The following LRP1B variants were observed in gnomAD, a reference collection of about 807,000 sequenced individuals.
LRP1B encodes the protein LDL receptor related protein 1B, also known as low-density lipoprotein receptor-related protein 1B.
A neutral mutation model predicts 556.6 loss-of-function variants in LRP1B; 217 were observed. The ratio of observed to expected loss-of-function variants is 0.39; its 90% CI spans 0.35 to 0.44. The LOEUF (loss-of-function observed/expected upper bound fraction) is 0.44. LRP1B is among the 20% of genes least tolerant of loss of function. LRP1B has a pLI of 1.00. For synonymous variants in LRP1B, 2,047 were observed against 1,865.8 expected (o/e 1.10, Z -2.50); for missense variants, 5,053 against 5,620.8 (o/e 0.90, Z 3.23).
chr2:140,272,321 G>A (rs1377468681), intron 85 of LRP1B, among the ~76,000 whole-genome samples: 1 of 150,108 alleles, frequency 6.7e-6, no homozygotes, highest in Admixed American at 6.7e-5. Flanking sequence ...CTTTCCAAAA[G>A]TTAATTACTA....
intron 58 of LRP1B, among the ~76,000 whole-genome samples, chr2:140,486,373 C>T (rs1688472867): frequency 6.6e-6 from 1 of 151,952 alleles, no homozygotes; most frequent in Non-Finnish European, 1.5e-5. Context: ...ATCTCCTATA[C>T]TTAAATGCAA....
intron 1 of LRP1B, among the ~76,000 whole-genome samples, chr2:142,066,179 G>C (rs907700250): frequency 6.6e-6 from 1 of 151,466 alleles, no homozygotes; most frequent in South Asian, 2.1e-4. Context: ...GATGCACTGT[G>C]GTTTTTCTCT....
intron 2 of LRP1B, among the ~76,000 whole-genome samples, chr2:141,589,226 GT>G (rs1361881114): frequency 9.9e-5 from 15 of 151,102 alleles, no homozygotes; most frequent in Non-Finnish European, 1.9e-4. Flanking sequence ...AGAGATGAGC[GT>G]TTTGGATGAA....
chr2:140,282,948 A>AGT (rs1682977140), intron 84 of LRP1B, among the ~76,000 whole-genome samples: 1 of 151,874 alleles, frequency 6.6e-6, no homozygotes, highest in African/African-American at 2.4e-5. Flanking sequence ...GAAATCACAA[A>AGT]GTAAGACATA....
chr2:141,149,410 C>A (rs1051586917), intron 7 of LRP1B, among the ~76,000 whole-genome samples: 2 of 152,110 alleles, frequency 1.3e-5, no homozygotes, highest in Admixed American at 6.5e-5. Flanking sequence ...GCCTAATAAC[C>A]TTTGCACCCA....
intron 6 of LRP1B, among the ~76,000 whole-genome samples, chr2:141,225,653 T>A (rs972678255): frequency 1.3e-5 from 2 of 151,758 alleles, no homozygotes; most frequent in Non-Finnish European, 2.9e-5. Flanking sequence ...TGCTAAATAA[T>A]AAATATCAGT....
chr2:140,598,571 C>T (rs2105187822), intron 43 of LRP1B, 60 bp downstream of exon 43: 1 of 1,290,762 alleles, frequency 7.7e-7, no homozygotes, highest in Non-Finnish European at 1.1e-6. Flanking sequence ...GAGTATAAAT[C>T]ACATGTTTTA....
intron 57 of LRP1B, among the ~76,000 whole-genome samples, chr2:140,492,379 C>T (rs1688738243): frequency 6.6e-6 from 1 of 152,170 alleles, no homozygotes. Context: ...TTAATTTTGG[C>T]ACACTTGTTC....
At position 141,050,994 on chromosome 2, in the gene LRP1B, A is replaced by G. The variant is rs569848990; in HGVS notation, c.1553-1772T>C. Among the ~76,000 whole-genome samples the G allele has an allele frequency of 3.3e-5, 5 of 152,286 alleles. No individual in the cohort carries two copies. The South Asian group carries it at 8.3e-4, about 25-fold the overall frequency. ...GATATGAACAGACACTTCTCAAAAG[A>G]AGACATTTATGCAGCCAACAAACAC... On this transcript the variant is annotated intron_variant, in intron 10 of 90. Transcript: ENST00000389484.
chr2:141,069,480 C>A (rs190525492), intron 7 of LRP1B, among the ~76,000 whole-genome samples: 46 of 152,122 alleles, frequency 3.0e-4, no homozygotes, highest in African/African-American at 1.0e-3. Context: ...TTGTCATTGT[C>A]TGAGGTGGAG....
chr2:141,401,255 C>T (rs1690443205), intron 3 of LRP1B, among the ~76,000 whole-genome samples: 1 of 152,064 alleles, frequency 6.6e-6, no homozygotes. Flanking sequence ...ATGTGACTAG[C>T]TATTATGTAA....
chr2:141,112,379 A>T (rs1700777692), intron 7 of LRP1B, among the ~76,000 whole-genome samples: 1 of 151,956 alleles, frequency 6.6e-6, no homozygotes, highest in Admixed American at 6.6e-5. Context: ...CATTTTTCTA[A>T]TTCTTTGCTT....
chr2:141,469,437 T>C (rs956609216), intron 3 of LRP1B, among the ~76,000 whole-genome samples: 2 of 152,136 alleles, frequency 1.3e-5, no homozygotes, highest in Non-Finnish European at 2.9e-5. Flanking sequence ...TATTTCTTAG[T>C]TCTAGAGGCT....
chr2:141,698,380 G>A (rs1691809173), intron 2 of LRP1B, among the ~76,000 whole-genome samples: 1 of 151,520 alleles, frequency 6.6e-6, no homozygotes, highest in South Asian at 2.1e-4. Context: ...CAGCAGGTTG[G>A]CCTAATGGAC....
chr2:141,526,092 TAGAC>T (rs1368865687), intron 2 of LRP1B, among the ~76,000 whole-genome samples: 3 of 152,164 alleles, frequency 2.0e-5, no homozygotes, highest in East Asian at 3.9e-4. Flanking sequence ...GTGGTAAAGT[TAGAC>T]AGTTTGGTTC....
intron 41 of LRP1B, among the ~76,000 whole-genome samples, chr2:140,611,172 T>C (rs1457936642): frequency 6.6e-6 from 1 of 152,226 alleles, no homozygotes; most frequent in Non-Finnish European, 1.5e-5. Context: ...GTTTCTGAAC[T>C]GTAAGAGACT....
intron 32 of LRP1B, among the ~76,000 whole-genome samples, chr2:140,784,423 A>C (rs891433111): frequency 2.2e-4 from 17 of 76,074 alleles, no homozygotes; most frequent in African/African-American, 3.0e-4. Context: ...CACACACACA[A>C]AAGGCTCAGT....
At chr2:141,728,882 A>G (rs138641188) in intron 2 of LRP1B, among the ~76,000 whole-genome samples, 3 of 152,200 alleles carry the variant, frequency 2.0e-5, no homozygotes, top group African/African-American at 4.8e-5. Flanking sequence ...TCTTGCATCT[A>G]TTCCTTTAAG....
chr2:140,657,590 CATACATATAT>C (rs1377644367), intron 41 of LRP1B, among the ~76,000 whole-genome samples: 6 of 141,878 alleles, frequency 4.2e-5, no homozygotes, highest in East Asian at 2.0e-4. Context: ...TATATACATA[CATACATATAT>C]ATACATATAT....
Sources: gnomAD v4.1 joint callset for allele counts (sites outside exome capture counted in the v4.1 genomes callset) on GRCh38, gnomAD v4.1.1 for gene constraint, MANE v1.5 for transcripts, NCBI Gene and HGNC (gene_info 2026-07-23, HGNC 2026-07-21) for gene names.